The following CREB3L2 variants were observed in gnomAD, a reference collection of about 807,000 sequenced individuals.
The protein encoded by CREB3L2 is cyclic AMP-responsive element-binding protein 3-like protein 2.
In CREB3L2, 23 loss-of-function variants were observed where a neutral mutation model predicts 57.2. That is an observed-to-expected ratio of 0.40 (90% CI 0.29 to 0.57). The LOEUF (loss-of-function observed/expected upper bound fraction) is 0.57. CREB3L2 is among the 20% of genes least tolerant of loss of function. The pLI, the probability that CREB3L2 is intolerant of heterozygous loss-of-function variation, is 0.42. For missense variants in CREB3L2, 628 were observed against 634.7 expected, an observed-to-expected ratio of 0.99 and a Z score of 0.11; for synonymous variants, 268 against 265.1, an observed-to-expected ratio of 1.01 and a Z score of -0.11.
Position 137,945,452 on chromosome 7 carries a change from C to T in CREB3L2, c.103-17086G>A, listed in dbSNP as rs114179372. Among the ~76,000 whole-genome samples the T allele has an allele frequency of 6.6e-3, 999 of 152,258 alleles. 16 individuals are homozygous for T. Among genetic ancestry groups the T allele is most frequent in the African/African-American group, 0.023 (944 of 41,532 alleles). On this transcript the variant is annotated intron_variant, in intron 1 of 11. Transcript: ENST00000330387. ...TTAAATAGTCCTCAGGGAACAAAAA[C>T]CAGGGAGGACAACTGACTAGAGACA...
At chr7:137,943,375 C>T (rs936566564) in intron 1 of CREB3L2, among the ~76,000 whole-genome samples, 1 of 149,806 alleles carries the variant, frequency 6.7e-6, no homozygotes, top group Non-Finnish European at 1.5e-5. Flanking sequence ...GCTGAGCTAA[C>T]AGCTGGGCAG....
Position 137,922,489 on chromosome 7 carries a change from C to T in CREB3L2, c.319+5661G>A, listed in dbSNP as rs1012620775. On this transcript the variant is annotated intron_variant, in intron 2 of 11. Transcript: ENST00000330387. ...ATATATACACACATATATATATACA[C>T]ACACACACACACACACACAATATAT... is the stretch of plus-strand genomic sequence containing the variant. 409 of 154,462 alleles carry T rather than the reference C, an allele frequency of 2.6e-3. 3 individuals carry two copies. The highest frequency in any genetic ancestry group is 0.011 in the East Asian group (78 of 7,056). The allele number at this position is 154,462 out of a possible 1,614,324, so 9.6% of individuals were successfully genotyped here.
At chr7:137,903,486 CA>C (rs540418348) in intron 7 of CREB3L2, among the ~76,000 whole-genome samples, 5,527 of 133,708 alleles carry the variant, frequency 0.041, 318 homozygotes, top group African/African-American at 0.14. Flanking sequence ...AGTGTTTTTG[CA>C]AAAAAAAAAA....
intron 8 of CREB3L2, among the ~76,000 whole-genome samples, chr7:137,899,019 G>A (rs1264626196): frequency 1.0e-5 from 1 of 99,640 alleles, no homozygotes; most frequent in East Asian, 2.9e-4. Flanking sequence ...GGGAAAGGAA[G>A]GAAGGGAAGG....
At chr7:137,887,955 TTTC>T (rs1252215146) in intron 8 of CREB3L2, among the ~76,000 whole-genome samples, 1 of 152,150 alleles carries the variant, frequency 6.6e-6, no homozygotes, top group Non-Finnish European at 1.5e-5. Context: ...AATTTTTATT[TTTC>T]TTTTTTTTCC....
chr7:137,893,064 T>C (rs1402046837), intron 8 of CREB3L2, among the ~76,000 whole-genome samples: 1 of 152,106 alleles, frequency 6.6e-6, no homozygotes, highest in Non-Finnish European at 1.5e-5. Context: ...CATGGGGCTC[T>C]GGCCTAAATG....
At chr7:137,909,594 G>T (rs1799963359) in intron 4 of CREB3L2, among the ~76,000 whole-genome samples, 1 of 152,232 alleles carries the variant, frequency 6.6e-6, no homozygotes, top group Admixed American at 6.5e-5. Context: ...CACACAGCTG[G>T]TTCTGCTCGG....
intron 1 of CREB3L2, among the ~76,000 whole-genome samples, chr7:137,929,113 T>A (rs1312220002): frequency 6.6e-6 from 1 of 152,214 alleles, no homozygotes; most frequent in South Asian, 2.1e-4. Flanking sequence ...TCTCTGGTTT[T>A]TCCTTAATAT....
At chr7:137,995,275 T>C (rs899971042) in intron 1 of CREB3L2, among the ~76,000 whole-genome samples, 85 of 151,912 alleles carry the variant, frequency 5.6e-4, no homozygotes, top group African/African-American at 1.9e-3. Context: ...CCAAGGTCCA[T>C]TGAGGAACTG....
intron 1 of CREB3L2, among the ~76,000 whole-genome samples, chr7:137,989,882 C>T (rs1403296282): frequency 6.6e-6 from 1 of 152,190 alleles, no homozygotes; most frequent in African/African-American, 2.4e-5. Context: ...GTAATCACAT[C>T]TCCAGTCTAA....
chr7:137,969,340 CTTTTTTTTTTTTTTTT>C (rs71177936), intron 1 of CREB3L2, among the ~76,000 whole-genome samples: 2 of 77,046 alleles, frequency 2.6e-5, no homozygotes, highest in East Asian at 7.8e-4. Context: ...TTATGATCTT[CTTTTTTTTTTTTTTTT>C]TTTTTTTTGA....
intron 8 of CREB3L2, among the ~76,000 whole-genome samples, chr7:137,899,057 A>AAAAGAAAG (rs201354013): frequency 6.8e-6 from 1 of 147,852 alleles, no homozygotes; most frequent in Non-Finnish European, 1.5e-5. Flanking sequence ...GAAAGAAAGA[A>AAAAGAAAG]AAAGAAAGAG....
chr7:137,986,043 T>C (rs1801787378), intron 1 of CREB3L2, among the ~76,000 whole-genome samples: 1 of 152,218 alleles, frequency 6.6e-6, no homozygotes, highest in Admixed American at 6.5e-5. Flanking sequence ...ATCCCCCATC[T>C]AGCGGCCACA....
intron 1 of CREB3L2, among the ~76,000 whole-genome samples, chr7:137,981,671 C>G (rs1223143437): frequency 6.6e-6 from 1 of 152,186 alleles, no homozygotes; most frequent in African/African-American, 2.4e-5. Context: ...ATGTGGGGGC[C>G]AGAGCCCTCC....
chr7:137,972,709 A>ACAACAAC (rs1245434184), intron 1 of CREB3L2, among the ~76,000 whole-genome samples: 2 of 39,714 alleles, frequency 5.0e-5, no homozygotes, highest in African/African-American at 1.4e-4. Context: ...AAAAAAAAAA[A>ACAACAAC]AAAATATATA....
At chr7:137,893,319 T>G (rs1376581544) in intron 8 of CREB3L2, among the ~76,000 whole-genome samples, 1 of 152,244 alleles carries the variant, frequency 6.6e-6, no homozygotes, top group African/African-American at 2.4e-5. Flanking sequence ...AATAATCCTT[T>G]GAAGTTTGAA....
intron 1 of CREB3L2, among the ~76,000 whole-genome samples, chr7:137,939,844 C>A (rs542292111): frequency 2.6e-4 from 40 of 152,264 alleles, no homozygotes; most frequent in Non-Finnish European, 3.1e-4. Flanking sequence ...GGAGGCCCAG[C>A]GGGGCTTTTT....
At position 137,972,770 on chromosome 7, in the gene CREB3L2, GAA is replaced by G. The variant is rs1491519705; in HGVS notation, c.102+28832_102+28833del. On this transcript the variant is annotated intron_variant, in intron 1 of 11. Transcript: ENST00000330387. ...AGAGAGAGAGAGAGAGAGAGAGAGAGAAAAGAAAAAGAAAAACCTAGGATAAA... is the reference window on the plus strand; with the variant it reads ...AGAGAGAGAGAGAGAGAGAGAGAGAGAAGAAAAAGAAAAACCTAGGATAAA... Among the ~76,000 whole-genome samples, 3 of 87,714 alleles carry G rather than the reference GAA, an allele frequency of 3.4e-5. 1 individual carries two copies. The highest frequency in any genetic ancestry group is 4.6e-5 in the Non-Finnish European group (2 of 43,412). The allele number at this position is 87,714 out of a possible 152,430, so 57.5% of individuals were successfully genotyped here.
At chr7:137,889,037 A>T (rs1047026891) in intron 8 of CREB3L2, among the ~76,000 whole-genome samples, 1 of 149,302 alleles carries the variant, frequency 6.7e-6, no homozygotes, top group African/African-American at 2.4e-5. Context: ...GCCAGCCCGT[A>T]CTTCCTCCCT....
Sources: gnomAD v4.1 joint callset for allele counts (sites outside exome capture counted in the v4.1 genomes callset) on GRCh38, gnomAD v4.1.1 for gene constraint, MANE v1.5 for transcripts, NCBI Gene and HGNC (gene_info 2026-07-23, HGNC 2026-07-21) for gene names.